Variants in OPCML observed in about 807,000 individuals in gnomAD.
OPCML encodes the protein opioid binding protein/cell adhesion molecule like.
In OPCML, 13 loss-of-function variants were observed where a neutral mutation model predicts 37.8. The ratio of observed to expected loss-of-function variants is 0.34; its 90% CI spans 0.22 to 0.55. The LOEUF is 0.55. OPCML is among the 20% of genes least tolerant of loss of function. The pLI, the probability that OPCML is intolerant of heterozygous loss-of-function variation, is 0.91. For synonymous variants in OPCML, 176 were observed against 168.8 expected (o/e 1.04, Z -0.33); for missense variants, 341 against 435.6 (o/e 0.78, Z 1.93).
intron 1 of OPCML, among the ~76,000 whole-genome samples, chr11:133,507,278 C>T (rs915773465): frequency 6.6e-6 from 1 of 152,202 alleles, no homozygotes; most frequent in Non-Finnish European, 1.5e-5. Flanking sequence ...CTCTGTGGAG[C>T]AGGAGGATGG....
chr11:132,480,918 C>A (rs1168711725), intron 4 of OPCML, among the ~76,000 whole-genome samples: 1 of 151,492 alleles, frequency 6.6e-6, no homozygotes, highest in African/African-American at 2.4e-5. Flanking sequence ...CAAAATCATG[C>A]CAAAATGTAA....
At chr11:132,969,406 T>A (rs188490310) in intron 1 of OPCML, among the ~76,000 whole-genome samples, 1 of 152,204 alleles carries the variant, frequency 6.6e-6, no homozygotes, top group East Asian at 1.9e-4. Flanking sequence ...TGGGTGTGGA[T>A]GTTTTCACAT....
intron 1 of OPCML, among the ~76,000 whole-genome samples, chr11:133,526,222 T>C (rs553212623): frequency 6.6e-6 from 1 of 152,310 alleles, no homozygotes; most frequent in African/African-American, 2.4e-5. Flanking sequence ...CTCACACATG[T>C]ATGGCCGTGT....
chr11:132,895,200 A>G (rs1943793237), intron 2 of OPCML, among the ~76,000 whole-genome samples: 1 of 152,218 alleles, frequency 6.6e-6, no homozygotes, highest in South Asian at 2.1e-4. Context: ...AAATAGGTAC[A>G]TTTGGTACTT....
At chr11:132,966,107 T>A in intron 1 of OPCML, among the ~76,000 whole-genome samples, 1 of 152,040 alleles carries the variant, frequency 6.6e-6, no homozygotes, top group East Asian at 1.9e-4. Context: ...TTCCCATTTT[T>A]TGAGGTGGAA....
At chr11:133,337,823 AG>A (rs1943776795) in intron 1 of OPCML, among the ~76,000 whole-genome samples, 1 of 152,196 alleles carries the variant, frequency 6.6e-6, no homozygotes, top group African/African-American at 2.4e-5. Context: ...TTAAATAAAA[AG>A]GAGATGATGT....
chr11:132,654,433 A>G (rs563345026), intron 3 of OPCML, among the ~76,000 whole-genome samples: 153 of 152,184 alleles, frequency 1.0e-3, no homozygotes, highest in Non-Finnish European at 1.7e-3. Flanking sequence ...CCCCAAAGGA[A>G]TGTCATCCCC....
At chr11:132,869,039 G>A (rs959704875) in intron 2 of OPCML, among the ~76,000 whole-genome samples, 3 of 152,158 alleles carry the variant, frequency 2.0e-5, no homozygotes, top group African/African-American at 4.8e-5. Context: ...GGCATTCTCC[G>A]AATGTGGGGT....
intron 4 of OPCML, among the ~76,000 whole-genome samples, chr11:132,474,293 C>T (rs1025012084): frequency 6.6e-6 from 1 of 152,000 alleles, no homozygotes; most frequent in Admixed American, 6.6e-5. Context: ...TTATAATTTG[C>T]AAGGAGAAGC....
At chr11:133,311,114 T>C (rs7933107) in intron 1 of OPCML, among the ~76,000 whole-genome samples, 2,318 of 152,322 alleles carry the variant, frequency 0.015, 65 homozygotes, top group African/African-American at 0.052. Context: ...GTTTCATCAC[T>C]GTTGTGTTAG....
intron 4 of OPCML, among the ~76,000 whole-genome samples, chr11:132,496,015 T>C (rs1053122621): frequency 2.6e-5 from 4 of 151,950 alleles, no homozygotes; most frequent in Non-Finnish European, 5.9e-5. Flanking sequence ...ATCATAAAAA[T>C]CAGAAGAATA....
intron 4 of OPCML, among the ~76,000 whole-genome samples, chr11:132,452,494 C>G (rs893355526): frequency 1.4e-5 from 2 of 142,794 alleles, no homozygotes; most frequent in Non-Finnish European, 3.0e-5. Context: ...CCCTCCCTTC[C>G]TCACTTCCTT....
At chr11:132,679,861 G>C (rs1942864145) in intron 2 of OPCML, among the ~76,000 whole-genome samples, 1 of 152,214 alleles carries the variant, frequency 6.6e-6, no homozygotes, top group Admixed American at 6.5e-5. Flanking sequence ...TTAATGCTAT[G>C]ATTATGGACG....
intron 3 of OPCML, among the ~76,000 whole-genome samples, chr11:132,549,030 G>A (rs1277142348): frequency 1.3e-5 from 2 of 152,124 alleles, no homozygotes; most frequent in Non-Finnish European, 2.9e-5. Context: ...AAATGTGGTC[G>A]AGACCTCCTG....
At chr11:133,005,693 T>C (rs774150352) in intron 1 of OPCML, 148 of 977,442 alleles carry the variant, frequency 1.5e-4, no homozygotes, top group Non-Finnish European at 1.7e-4. Flanking sequence ...ATTAAATGCA[T>C]CTAATCCAGA....
chr11:133,006,702 C>T (rs1227443577), intron 1 of OPCML: 2 of 985,306 alleles, frequency 2.0e-6, no homozygotes, highest in Middle Eastern at 5.2e-4. Context: ...ACTTTTTCTG[C>T]TAGAATTGTT....
At chr11:133,328,628 G>A (rs1943538256) in intron 1 of OPCML, among the ~76,000 whole-genome samples, 2 of 152,088 alleles carry the variant, frequency 1.3e-5, no homozygotes, top group African/African-American at 4.8e-5. Flanking sequence ...AATAAGAAAC[G>A]GCCCCTATCC....
At chr11:132,530,489 G>A (rs1431049662) in intron 3 of OPCML, among the ~76,000 whole-genome samples, 3 of 151,760 alleles carry the variant, frequency 2.0e-5, no homozygotes, top group Non-Finnish European at 2.9e-5. Flanking sequence ...CATGTAACCA[G>A]AGCAGTCTTT....
At chr11:133,373,448 T>TATATATATATATATACACACAC (rs966091785) in intron 1 of OPCML, among the ~76,000 whole-genome samples, 2 of 132,172 alleles carry the variant, frequency 1.5e-5, no homozygotes, top group African/African-American at 6.3e-5. Flanking sequence ...TATATATATA[T>TATATATATATATATACACACAC]ACACACACAC....
Sources: allele counts gnomAD v4.1 joint callset (sites outside exome capture counted in the v4.1 genomes callset), GRCh38; gene constraint gnomAD v4.1.1; transcripts MANE v1.5; gene names NCBI Gene and HGNC (gene_info 2026-07-23, HGNC 2026-07-21).